ZDHHC17: variants seen among roughly 807,000 people sequenced by gnomAD.
The protein encoded by ZDHHC17 is palmitoyltransferase ZDHHC17.
A neutral mutation model predicts 90.3 loss-of-function variants in ZDHHC17; 40 were observed. The observed-to-expected ratio is 0.44, with a 90% confidence interval of 0.34 to 0.58. The LOEUF is 0.58. ZDHHC17 is among the 20% of genes least tolerant of loss of function. The pLI is 0.01. For missense variants in ZDHHC17, 614 were observed against 780.8 expected (o/e 0.79, Z 2.55); for synonymous variants, 235 against 252.4 (o/e 0.93, Z 0.65).
At chr12:76,850,365 T>C (rs1481755836) in intron 16 of ZDHHC17, among the ~76,000 whole-genome samples, 1 of 152,178 alleles carries the variant, frequency 6.6e-6, no homozygotes, top group East Asian at 1.9e-4. Context: ...TTACTTTTTT[T>C]CTGTTTTAGA....
intron 11 of ZDHHC17, 49 bp downstream of exon 11, chr12:76,842,155 G>C: frequency 6.6e-7 from 1 of 1,504,290 alleles, no homozygotes; most frequent in Non-Finnish European, 8.9e-7. Context: ...CAGATTATCA[G>C]TATTTACAGC....
intron 10 of ZDHHC17, among the ~76,000 whole-genome samples, chr12:76,832,723 G>A (rs1174183437): frequency 1.3e-5 from 2 of 151,954 alleles, no homozygotes; most frequent in Admixed American, 1.3e-4. Flanking sequence ...GAGCGTGATA[G>A]CACTTCAGCA....
chr12:76,844,744 G>A (rs1203256675), intron 12 of ZDHHC17: 1 of 152,074 alleles, frequency 6.6e-6, no homozygotes, highest in Non-Finnish European at 1.5e-5. Flanking sequence ...CCTTTTCCTT[G>A]GTACCTCAAA....
At chr12:76,770,691 A>G (rs896816752) in intron 1 of ZDHHC17, among the ~76,000 whole-genome samples, 2 of 152,132 alleles carry the variant, frequency 1.3e-5, no homozygotes, top group African/African-American at 4.8e-5. Flanking sequence ...TAATTGCGGC[A>G]CTTTGGGAGG....
chr12:76,784,432 C>G (rs954169270), intron 1 of ZDHHC17, among the ~76,000 whole-genome samples: 4 of 151,834 alleles, frequency 2.6e-5, no homozygotes, highest in Non-Finnish European at 4.4e-5. Flanking sequence ...AGACAATGCC[C>G]CAAAGAAATC....
At chr12:76,824,093 T>TAC (rs1450912766) in intron 8 of ZDHHC17, among the ~76,000 whole-genome samples, 8 of 151,552 alleles carry the variant, frequency 5.3e-5, no homozygotes, top group East Asian at 1.9e-4. Context: ...TATATGTATA[T>TAC]TCACACACAC....
intron 7 of ZDHHC17, among the ~76,000 whole-genome samples, chr12:76,818,620 T>C (rs1406915528): frequency 2.0e-5 from 3 of 152,092 alleles, no homozygotes; most frequent in Non-Finnish European, 4.4e-5. Flanking sequence ...TACAGAGACA[T>C]GTGGGAAAAA....
chr12:76,764,558 C>A, intron 1 of ZDHHC17: 1 of 579,540 alleles, frequency 1.7e-6, no homozygotes, highest in Non-Finnish European at 3.1e-6. Flanking sequence ...CTGGCTGTGC[C>A]TGGAGGACAG....
chr12:76,795,901 G>A (rs1024909109), intron 1 of ZDHHC17, among the ~76,000 whole-genome samples: 2 of 152,032 alleles, frequency 1.3e-5, no homozygotes, highest in Non-Finnish European at 2.9e-5. Context: ...CTTCTAATGT[G>A]GGTATATAAT....
Position 76,764,170 on chromosome 12 carries a change from C to T in ZDHHC17, c.-67C>T, listed in dbSNP as rs574148031. On this transcript the variant is annotated 5_prime_UTR_variant, in exon 1 of 17. Coordinates refer to ENST00000426126, the MANE Select transcript of ZDHHC17 (RefSeq NM_015336.4). ...GGCCCGCGTCGCCTCCGGCGGGGCTCGCGCTCGCCCCGCGCTCGCCCTCCG... is the reference window on the plus strand; with the variant it reads ...GGCCCGCGTCGCCTCCGGCGGGGCTTGCGCTCGCCCCGCGCTCGCCCTCCG... The T allele has an allele frequency of 5.7e-6, 7 of 1,229,478 alleles. No homozygotes were observed. Among genetic ancestry groups the T allele is most frequent in the South Asian group, 3.1e-5 (2 of 64,018 alleles). 76.2% of individuals were successfully genotyped at this position (1,229,478 alleles called of 1,614,324 possible).
intron 3 of ZDHHC17, among the ~76,000 whole-genome samples, chr12:76,806,172 T>C (rs1187476792): frequency 6.6e-6 from 1 of 152,180 alleles, no homozygotes; most frequent in Non-Finnish European, 1.5e-5. Flanking sequence ...CTTGGCACAC[T>C]GCAGCCTCGC....
intron 1 of ZDHHC17, among the ~76,000 whole-genome samples, chr12:76,789,259 C>T (rs1377231090): frequency 6.6e-6 from 1 of 152,134 alleles, no homozygotes; most frequent in East Asian, 1.9e-4. Context: ...TCCATTTATT[C>T]TTTCATTTCA....
At chr12:76,835,308 C>T (rs1404985275) in intron 10 of ZDHHC17, among the ~76,000 whole-genome samples, 2 of 152,136 alleles carry the variant, frequency 1.3e-5, no homozygotes, top group African/African-American at 4.8e-5. Flanking sequence ...GCTGTGGCCT[C>T]CCAAAGTGCT....
In ZDHHC17 at chr12:76,853,394, G is replaced by C. The variant is rs1055953993; in HGVS notation, c.*2409G>C. On this transcript the variant is annotated 3_prime_UTR_variant, in exon 17 of 17. Transcript: ENST00000426126. Reference sequence around the variant, plus strand: ...TTAATTGGATACTTTTAGCAAATAGGAACTTAATTCTCAGCACTGAACATG... The same window carrying C: ...TTAATTGGATACTTTTAGCAAATAGCAACTTAATTCTCAGCACTGAACATG... 1 of 152,318 alleles carries C rather than the reference G, an allele frequency of 6.6e-6. No homozygotes were observed. Among genetic ancestry groups the C allele is most frequent in the African/African-American group, 2.4e-5 (1 of 41,372 alleles). 9.4% of individuals were successfully genotyped at this position (152,318 alleles called of 1,614,324 possible). A position where few individuals can be genotyped will look rare whatever the true frequency, so the allele number is the denominator to read the frequency against.
At chr12:76,771,662 A>G (rs1347236080) in intron 1 of ZDHHC17, among the ~76,000 whole-genome samples, 1 of 152,164 alleles carries the variant, frequency 6.6e-6, no homozygotes, top group African/African-American at 2.4e-5. Context: ...ATAATTTTTC[A>G]ATTATGAATA....
intron 1 of ZDHHC17, among the ~76,000 whole-genome samples, chr12:76,782,350 C>T (rs1057001705): frequency 5.3e-5 from 8 of 152,162 alleles, no homozygotes; most frequent in Non-Finnish European, 1.0e-4. Context: ...TGATTTGGGT[C>T]TCCTGGAGTT....
At chr12:76,799,144 A>G (rs2137748125) in intron 2 of ZDHHC17, among the ~76,000 whole-genome samples, 1 of 152,264 alleles carries the variant, frequency 6.6e-6, no homozygotes, top group Admixed American at 6.5e-5. Context: ...CTCAAAAAAA[A>G]CAAGCAAAAA....
At chr12:76,826,700 C>G (rs774913868) in intron 8 of ZDHHC17, among the ~76,000 whole-genome samples, 3 of 152,132 alleles carry the variant, frequency 2.0e-5, no homozygotes, top group Non-Finnish European at 4.4e-5. Context: ...TTCTTATTTT[C>G]CACAATTTTA....
chr12:76,795,555 A>C (rs1952809946), intron 1 of ZDHHC17, among the ~76,000 whole-genome samples: 1 of 152,172 alleles, frequency 6.6e-6, no homozygotes, highest in South Asian at 2.1e-4. Context: ...GTTGGAGAGA[A>C]TAGAATCAGA....
Sources: gnomAD v4.1 joint callset for allele counts (sites outside exome capture counted in the v4.1 genomes callset) on GRCh38, gnomAD v4.1.1 for gene constraint, MANE v1.5 for transcripts, NCBI Gene and HGNC (gene_info 2026-07-23, HGNC 2026-07-21) for gene names.